Variants in RTTN observed in about 807,000 individuals in gnomAD.
The protein encoded by RTTN is rotatin.
In RTTN, 182 loss-of-function variants were observed where a neutral mutation model predicts 269.2. The ratio of observed to expected loss-of-function variants is 0.68; its 90% confidence interval spans 0.60 to 0.76. RTTN has a LOEUF of 0.76. Ranked by LOEUF, RTTN falls within the 30% of genes least tolerant of loss-of-function variation. The pLI is 0.00. For synonymous variants in RTTN, 1,006 were observed against 963.5 expected (o/e 1.04, Z -0.82); for missense variants, 2,545 against 2,608.6 (o/e 0.98, Z 0.53).
At chr18:70,193,573 CA>C (rs2061732554) in intron 7 of RTTN, 120 bp from the exon 8 acceptor site, 8 of 745,472 alleles carry the variant, frequency 1.1e-5, no homozygotes, top group Admixed American at 3.7e-5. Context: ...AATCCTTCTA[CA>C]GGGGTAAAAA....
At chr18:70,079,811 A>G (rs1234982416) in intron 32 of RTTN, among the ~76,000 whole-genome samples, 1 of 152,164 alleles carries the variant, frequency 6.6e-6, no homozygotes, top group Non-Finnish European at 1.5e-5. Context: ...AGAATGCAAT[A>G]AATCAGAATA....
intron 40 of RTTN, among the ~76,000 whole-genome samples, chr18:70,042,992 A>T (rs2057390087): frequency 6.6e-6 from 1 of 152,206 alleles, no homozygotes; most frequent in Non-Finnish European, 1.5e-5. Flanking sequence ...TCCTGGAACC[A>T]GGTGAATGGA....
chr18:70,041,723 A>C (rs2057345189), intron 40 of RTTN, among the ~76,000 whole-genome samples: 1 of 152,188 alleles, frequency 6.6e-6, no homozygotes, highest in Non-Finnish European at 1.5e-5. Flanking sequence ...GAACTGGCAG[A>C]GACAGGAAAA....
In RTTN at chr18:70,109,594, C is replaced by T; in HGVS notation, c.3807G>A (p.Gly1269=). ...CCGGAAACGCAGTGAGGTTAGCCAT[C>T]CCTCGTAAGGTCCGCTCAAGGGACG... is the stretch of plus-strand genomic sequence containing the variant. ...GLPSLERTLR[G]MANLTAFPGW... Residue 1269 remains glycine (G), a synonymous_variant, in exon 28 of 49, where the codon GGG becomes GGA. Coordinates refer to ENST00000640769, the MANE Select transcript of RTTN (RefSeq NM_173630.4). 4 of 1,613,974 alleles carry T rather than the reference C, an allele frequency of 2.5e-6. No individual in the cohort carries two copies. The highest frequency in any genetic ancestry group is 3.4e-6 in the Non-Finnish European group (4 of 1,179,996).
rs975878690 is a variant in RTTN at position 70,190,311 on chromosome 18, A to T, written c.1189+227T>A. Reference sequence around the variant, plus strand: ...AAAAATAAGCATGAAAGCCTGTGCCAATAAAAACTCATAAAATGGAAGGGC... The same window carrying T: ...AAAAATAAGCATGAAAGCCTGTGCCTATAAAAACTCATAAAATGGAAGGGC... On this transcript the variant is annotated intron_variant, in intron 9 of 48. Transcript: ENST00000640769. Among the ~76,000 whole-genome samples the T allele has an allele frequency of 5.3e-5, 8 of 152,144 alleles. 1 individual carries two copies. The highest frequency in any genetic ancestry group is 1.9e-4 in the African/African-American group (8 of 41,446).
intron 21 of RTTN, chr18:70,138,328 T>C (rs1185027120): frequency 6.6e-6 from 1 of 152,088 alleles, no homozygotes; most frequent in African/African-American, 2.4e-5. Context: ...ACTAAATCCA[T>C]TAATGGAGGA....
At chr18:70,149,923 C>T in intron 16 of RTTN, 48 bp downstream of exon 16, 4 of 1,285,182 alleles carry the variant, frequency 3.1e-6, no homozygotes, top group Non-Finnish European at 4.5e-6. Flanking sequence ...ATCAATCACA[C>T]CCAGCCAAAG....
intron 38 of RTTN, among the ~76,000 whole-genome samples, chr18:70,052,876 A>AT (rs1244206170): frequency 6.6e-6 from 1 of 152,106 alleles, no homozygotes; most frequent in African/African-American, 2.4e-5. Flanking sequence ...AGATATTGAC[A>AT]TTTTTTCCTT....
chr18:70,065,652 T>C (rs953679532), intron 35 of RTTN, among the ~76,000 whole-genome samples, 177 bp downstream of exon 35: 1 of 152,222 alleles, frequency 6.6e-6, no homozygotes, highest in Non-Finnish European at 1.5e-5. Context: ...TTCCATTTAT[T>C]AGTTAAGAGC....
intron 44 of RTTN, among the ~76,000 whole-genome samples, chr18:70,023,509 T>C (rs892527783): frequency 1.3e-5 from 2 of 152,216 alleles, no homozygotes; most frequent in Non-Finnish European, 1.5e-5. Flanking sequence ...AGTCTGCTTC[T>C]TTTAAATCTT....
At chr18:70,006,729 A>G (rs1869887226) in intron 46 of RTTN, 1 of 404,940 alleles carries the variant, frequency 2.5e-6, no homozygotes, top group Non-Finnish European at 4.5e-6. Context: ...TTTGGCCAGA[A>G]TTCAAGAAAA....
At chr18:70,073,471 G>T (rs1005780242) in intron 34 of RTTN, among the ~76,000 whole-genome samples, 1 of 152,132 alleles carries the variant, frequency 6.6e-6, no homozygotes, top group Non-Finnish European at 1.5e-5. Context: ...CAATTTCAGG[G>T]TAATCAACCA....
intron 4 of RTTN, among the ~76,000 whole-genome samples, chr18:70,201,229 C>T (rs79302718): frequency 5.9e-5 from 9 of 152,280 alleles, no homozygotes; most frequent in East Asian, 1.9e-4. Flanking sequence ...CTCTGGCTGG[C>T]GTAACTGGAT....
At position 70,205,327 on chromosome 18, in the gene RTTN, C is replaced by T. The variant is rs773418994; in HGVS notation, c.32-12G>A. ...GGCCAGCTGATGACCTGTCAACGAA[C>T]GGCACAAAACTATTTTATTTCCCGA... is the stretch of plus-strand genomic sequence containing the variant. On this transcript the variant is annotated splice_polypyrimidine_tract_variant and intron_variant, in intron 1 of 48. Coordinates refer to ENST00000640769, the MANE Select transcript of RTTN (RefSeq NM_173630.4). 5.0e-6 allele frequency: 8 copies of T among 1,612,890 alleles called. No individual in the cohort carries two copies. The highest frequency in any genetic ancestry group is 1.3e-5 in the African/African-American group (1 of 74,880).
chr18:70,177,288 A>G (rs889969360), intron 10 of RTTN, among the ~76,000 whole-genome samples: 1 of 152,182 alleles, frequency 6.6e-6, no homozygotes, highest in African/African-American at 2.4e-5. Context: ...AGACATGATG[A>G]TCTCTGTCCT....
chr18:70,103,266 C>T (rs1170928501), intron 28 of RTTN, among the ~76,000 whole-genome samples: 4 of 151,966 alleles, frequency 2.6e-5, no homozygotes, highest in African/African-American at 4.8e-5. Flanking sequence ...GAAGAGACAG[C>T]GACCATCGAG....
At chr18:70,070,571 C>T (rs1321247205) in intron 34 of RTTN, among the ~76,000 whole-genome samples, 2 of 152,142 alleles carry the variant, frequency 1.3e-5, no homozygotes, top group Non-Finnish European at 2.9e-5. Flanking sequence ...TCTCTCATAT[C>T]AGTTGTAATG....
chr18:70,076,964 T>C (rs1212427641), intron 32 of RTTN, among the ~76,000 whole-genome samples: 2 of 151,924 alleles, frequency 1.3e-5, no homozygotes, highest in Admixed American at 6.6e-5. Context: ...AAGCAAGTTA[T>C]AACATACTTA....
In RTTN at chr18:70,114,477, G is replaced by C. The variant is rs1190373737; in HGVS notation, c.3651C>G (p.Thr1217=). ...TAACTTCCATGAAATTGAGCAGCAA[G>C]GTATCAAAAAGAGCAATCAGTTCTT... The part of the protein sequence containing the change: ...LQKELIALFD[T]LLLNFMEVTD... The change falls in exon 27 of 49, where the codon ACC becomes ACG. Residue 1217 remains threonine, a synonymous_variant. Transcript: ENST00000640769. The C allele has an allele frequency of 6.2e-7, 1 of 1,612,994 alleles. No individual in the cohort carries two copies. The highest frequency in any genetic ancestry group is 1.3e-5 in the African/African-American group (1 of 74,878).
Sources: allele counts gnomAD v4.1 joint callset (sites outside exome capture counted in the v4.1 genomes callset), GRCh38; gene constraint gnomAD v4.1.1; transcripts MANE v1.5; gene names NCBI Gene and HGNC (gene_info 2026-07-23, HGNC 2026-07-21).